GAD1: variants seen among roughly 807,000 people sequenced by gnomAD.
GAD1 encodes the protein 67 kDa glutamic acid decarboxylase.
In GAD1, 35 loss-of-function variants were observed where a neutral mutation model predicts 75.2. That is an observed-to-expected ratio of 0.47 (90% CI 0.36 to 0.62). GAD1 has a LOEUF of 0.62. Ranked by LOEUF, GAD1 falls within the 20% of genes least tolerant of loss-of-function variation. GAD1 has a pLI of 0.00. For synonymous variants in GAD1, 257 were observed against 271.9 expected (o/e 0.95, Z 0.54); for missense variants, 490 against 758.5 (o/e 0.65, Z 4.16).
chr2:170,861,025 A>C lies in GAD1; in HGVS notation c.*1143A>C, dbSNP rs1354918350. The C allele has an allele frequency of 6.5e-6, 1 of 152,682 alleles. No homozygotes were observed. Among genetic ancestry groups the C allele is most frequent in the Non-Finnish European group, 1.5e-5 (1 of 68,048 alleles). The allele number at this position is 152,682 out of a possible 1,614,324, so 9.5% of individuals were successfully genotyped here. ...GGCAACATTTCCGAAGACCTTCTGA[A>C]GATCTCAGATAAAGTGACCAGGCTC... On this transcript the variant is annotated 3_prime_UTR_variant, in exon 17 of 17. Coordinates refer to ENST00000358196, the MANE Select transcript of GAD1 (RefSeq NM_000817.3).
chr2:170,816,663 TA>T (rs1388264752), upstream of GAD1: 2 of 151,564 alleles, frequency 1.3e-5, no homozygotes, highest in Admixed American at 6.6e-5. Flanking sequence ...GGATTACTCA[TA>T]AGACCTTTTT....
Position 170,843,025 on chromosome 2 carries a change from C to T in GAD1, c.639-1020C>T, listed in dbSNP as rs568947086. ...CTGAGTCAGTCTAGGCATCTCTTTTCGGTGAGGATGATCTGAGCCCAGCCT... is the reference window on the plus strand; with the variant it reads ...CTGAGTCAGTCTAGGCATCTCTTTTTGGTGAGGATGATCTGAGCCCAGCCT... On this transcript the variant is annotated intron_variant, in intron 6 of 16. Coordinates refer to ENST00000358196, the MANE Select transcript of GAD1 (RefSeq NM_000817.3). 5.9e-5 allele frequency among the ~76,000 whole-genome samples: 9 copies of T among 152,298 alleles called. 1 individual carries two copies. The South Asian group carries it at 1.0e-3, about 18-fold the overall frequency.
chr2:170,849,295 G>A lies in GAD1; in HGVS notation c.1129G>A (p.Gly377Arg). The A allele has an allele frequency of 6.2e-7, 1 of 1,614,078 alleles. No homozygotes were observed. The highest frequency in any genetic ancestry group is 8.5e-7 in the Non-Finnish European group (1 of 1,180,012). ...NLWLHVDAAW[G>R]GGLLMSRKHR... ...TTCTCTGTCCCCACAGGCTGCCTGG[G>A]GAGGTGGGCTGCTCATGTCCAGGAA... The change falls in exon 12 of 17, where the codon GGA (glycine) becomes AGA (arginine). Residue 377 changes from glycine (G) to arginine (R), a missense_variant. Gly to Arg is a moderately radical substitution (Grantham distance 125). Coordinates refer to ENST00000358196, the MANE Select transcript of GAD1 (RefSeq NM_000817.3).
chr2:170,815,027 C>T (rs1701670143), upstream of GAD1, among the ~76,000 whole-genome samples: 1 of 152,176 alleles, frequency 6.6e-6, no homozygotes, highest in Non-Finnish European at 1.5e-5. Context: ...CCTCCTCCTT[C>T]CTGTCTCCTG....
At chr2:170,829,678 T>C in intron 4 of GAD1, 45 bp downstream of exon 4, 1 of 1,594,098 alleles carries the variant, frequency 6.3e-7, no homozygotes, top group Non-Finnish European at 8.6e-7. Context: ...AGTAGATTTC[T>C]TATTTGAGTT....
chr2:170,827,184 T>C (rs1030223573), intron 3 of GAD1, among the ~76,000 whole-genome samples: 1 of 152,122 alleles, frequency 6.6e-6, no homozygotes, highest in African/African-American at 2.4e-5. Context: ...AGCCCTCCCA[T>C]GCATCCCCCC....
At chr2:170,829,156 C>G in intron 3 of GAD1, 1 of 409,022 alleles carries the variant, frequency 2.4e-6, no homozygotes, top group Non-Finnish European at 4.6e-6. Flanking sequence ...AAGCCCTATC[C>G]TGGGGCTGGT....
intron 14 of GAD1, among the ~76,000 whole-genome samples, chr2:170,856,042 T>A (rs1265224294): frequency 6.6e-6 from 1 of 152,146 alleles, no homozygotes; most frequent in African/African-American, 2.4e-5. Flanking sequence ...TAGTGATTGG[T>A]TGCTGAAATG....
At position 170,859,641 on chromosome 2, in the gene GAD1, G is replaced by A. The variant is rs45442193; in HGVS notation, c.1612-68G>A. 1.4e-4 allele frequency: 212 copies of A among 1,499,068 alleles called. No individual in the cohort carries two copies. In the Admixed American group the frequency reaches 1.9e-3, roughly 14 times the overall value. The allele number at this position is 1,499,068 out of a possible 1,614,324, so 92.9% of individuals were successfully genotyped here. On this transcript the variant is annotated intron_variant, in intron 16 of 16. Coordinates refer to ENST00000358196, the MANE Select transcript of GAD1 (RefSeq NM_000817.3). Reference sequence around the variant, plus strand: ...ACACAAATAGTAAAATGCAAGTTGGGTTGAATTGTTAAAAAGAGAGGGTGT... The same window carrying A: ...ACACAAATAGTAAAATGCAAGTTGGATTGAATTGTTAAAAAGAGAGGGTGT...
At chr2:170,844,248 A>ATT (rs144578957) in intron 7 of GAD1, 91 bp downstream of exon 7, 1 of 779,048 alleles carries the variant, frequency 1.3e-6, no homozygotes, top group Non-Finnish European at 2.3e-6. Context: ...ATGCCTTAAC[A>ATT]TTTTTTTTGG....
At chr2:170,845,205 C>T in intron 7 of GAD1, 1 of 459,894 alleles carries the variant, frequency 2.2e-6, no homozygotes, top group East Asian at 4.4e-5. Flanking sequence ...CCTTTGCAGC[C>T]ACTGATGCAG....
rs1185798358 is a variant in GAD1, at chr2:170,831,344, G to A, written c.547+152G>A. 2.8e-5 allele frequency: 25 copies of A among 891,570 alleles called. No individual in the cohort carries two copies. The South Asian group carries it at 3.3e-4, about 12-fold the overall frequency. The allele number at this position is 891,570 out of a possible 1,614,324, so 55.2% of individuals were successfully genotyped here. On this transcript the variant is annotated intron_variant, in intron 5 of 16. Transcript: ENST00000358196. ...ACCCAGTGACCACAAGAACAAGCTTGGGCAGTAACAGTTGGTGGAGGGACC... is the reference window on the plus strand; with the variant it reads ...ACCCAGTGACCACAAGAACAAGCTTAGGCAGTAACAGTTGGTGGAGGGACC...
In GAD1 at chr2:170,845,579, C is replaced by T. The variant is rs1290286917; in HGVS notation, c.825C>T (p.Gly275=). ...YKYFPEVKTK[G]MAAVPKLVLF... is the part of the protein sequence containing the mutation. Reference sequence around the variant, plus strand: ...ACTTCCCGGAAGTTAAGACAAAGGGCATGGCGGCTGTGCCTAAACTGGTCC... The same window carrying T: ...ACTTCCCGGAAGTTAAGACAAAGGGTATGGCGGCTGTGCCTAAACTGGTCC... Residue 275 remains glycine, a synonymous_variant, in exon 8 of 17, where the codon GGC becomes GGT. Transcript: ENST00000358196. The T allele has an allele frequency of 2.5e-6, 4 of 1,614,066 alleles. No homozygotes were observed. The South Asian group carries it at 3.3e-5, about 13-fold the overall frequency.
chr2:170,828,987 C>G (rs57881147), intron 3 of GAD1: 47,509 of 233,970 alleles, frequency 0.2, 5,932 homozygotes, highest in South Asian at 0.28. Context: ...CCTCCCTCAG[C>G]TGTCCTCACC....
Position 170,831,162 on chromosome 2 carries a change from A to T in GAD1, c.517A>T (p.Arg173Ter). 6.2e-7 allele frequency: 1 copy of T among 1,614,190 alleles called. No homozygotes were observed. Among genetic ancestry groups the T allele is most frequent in the Non-Finnish European group, 8.5e-7 (1 of 1,180,022 alleles). Residue 173 changes from arginine to a stop codon, truncating the protein, a stop_gained, in exon 5 of 17, where the codon AGA becomes TGA. Coordinates refer to ENST00000358196, the MANE Select transcript of GAD1 (RefSeq NM_000817.3). LOFTEE classifies it high-confidence loss of function. ...ESLEQILVDC[R>*]DTLKYGVRTG... ...CCTGGAGCAGATCCTGGTTGACTGC[A>T]GAGACACCTTGAAGTATGGGGTTCG...
intron 1 of GAD1, chr2:170,817,875 C>T (rs1701751617): frequency 6.6e-6 from 1 of 152,654 alleles, no homozygotes; most frequent in Non-Finnish European, 1.5e-5. Context: ...CGACTCGCTG[C>T]TTTCTGGCTG....
At chr2:170,836,912 A>G in intron 6 of GAD1, 29 bp downstream of exon 6, 1 of 1,467,130 alleles carries the variant, frequency 6.8e-7, no homozygotes, top group East Asian at 2.3e-5. Flanking sequence ...CATATAAGCA[A>G]CCCTGATGTA....
chr2:170,843,861 G>A, intron 6 of GAD1, 184 bp from the exon 7 acceptor site: 4 of 600,656 alleles, frequency 6.7e-6, no homozygotes, highest in Non-Finnish European at 1.2e-5. Flanking sequence ...CAGTAACCCA[G>A]GCTGGTTTCT....
In GAD1 at chr2:170,853,440, T is replaced by C. The variant is rs1702786804; in HGVS notation, c.1264-433T>C. 1 of 238,996 alleles carries C rather than the reference T, an allele frequency of 4.2e-6. No homozygotes were observed. The highest frequency in any genetic ancestry group is 8.3e-6 in the Non-Finnish European group (1 of 120,108). The allele number at this position is 238,996 out of a possible 1,614,324, so 14.8% of individuals were successfully genotyped here. A position where few individuals can be genotyped will look rare whatever the true frequency, so the allele number is the denominator to read the frequency against. ...TTAGTCCACTCATATGTGGAATCCATGTTAATGTCATAGGAGGTCCTGGAA... is the reference window on the plus strand; with the variant it reads ...TTAGTCCACTCATATGTGGAATCCACGTTAATGTCATAGGAGGTCCTGGAA... On this transcript the variant is annotated intron_variant, in intron 13 of 16. Coordinates refer to ENST00000358196, the MANE Select transcript of GAD1 (RefSeq NM_000817.3). The surrounding 1 kb of genome is among the most constrained non-coding windows in gnomAD (Gnocchi z 4.1).
Sources: allele counts gnomAD v4.1 joint callset (sites outside exome capture counted in the v4.1 genomes callset), GRCh38; gene constraint gnomAD v4.1.1; non-coding constraint Gnocchi (gnomAD v3.1); transcripts MANE v1.5; gene names NCBI Gene and HGNC (gene_info 2026-07-23, HGNC 2026-07-21).